The following MCF2L variants were observed in gnomAD, a reference collection of about 807,000 sequenced individuals.
MCF2L encodes MCF.2 cell line derived transforming sequence like, also known as guanine nucleotide exchange factor DBS.
Under a neutral mutation model 153.4 loss-of-function variants are expected in MCF2L, and 97 were observed. The observed-to-expected ratio is 0.63, with a 90% CI of 0.54 to 0.75. The LOEUF (loss-of-function observed/expected upper bound fraction) is 0.75, where lower values mean the gene tolerates loss of function less well. Among genes scored for constraint, MCF2L ranks in the 30% least tolerant of loss-of-function variants. The probability of loss-of-function intolerance (pLI) is 0.00; values close to 1 mark genes in which losing one functional copy is unlikely to be tolerated. For missense variants in MCF2L, 1,347 were observed against 1,495.2 expected (o/e 0.90, Z 1.64); for synonymous variants, 659 against 632.2 (o/e 1.04, Z -0.64).
rs952589562 is a variant in MCF2L at position 112,909,348 on chromosome 13, C to T, written c.169+6977C>T. The T allele has an allele frequency of 2.6e-5, 20 of 777,082 alleles. 1 individual carries two copies. In the Admixed American group the frequency reaches 3.2e-4, roughly 13 times the overall value. 48.1% of individuals were successfully genotyped at this position (777,082 alleles called of 1,614,324 possible). On this transcript the variant is annotated intron_variant, in intron 2 of 29. Transcript: ENST00000375608. ...CATCCTTCACCTCTGTGTCTACAGA[C>T]CCGGCCTCCCCGCCCAGCATGGGTT... is the stretch of plus-strand genomic sequence containing the variant.
intron 1 of MCF2L, among the ~76,000 whole-genome samples, chr13:112,992,152 A>T (rs2082919445): frequency 2.0e-5 from 3 of 152,238 alleles, no homozygotes; most frequent in Admixed American, 1.3e-4. Context: ...AGCTACGTGT[A>T]TGAGGTGTGC....
At chr13:112,994,648 C>T (rs977477528) in intron 1 of MCF2L, among the ~76,000 whole-genome samples, 1 of 152,240 alleles carries the variant, frequency 6.6e-6, no homozygotes, top group Non-Finnish European at 1.5e-5. Context: ...GGGAAGCCTG[C>T]GGTGAGGCCG....
At chr13:113,060,833 C>T (rs957631313) in intron 5 of MCF2L, 121 bp downstream of exon 5, 56 of 1,372,354 alleles carry the variant, frequency 4.1e-5, no homozygotes, top group African/African-American at 5.8e-5. Context: ...AACAAAACCC[C>T]GCAGGACCTG....
Position 113,027,803 on chromosome 13 carries a change from G to A in MCF2L, c.278+3045G>A, listed in dbSNP as rs1331177784. Among the ~76,000 whole-genome samples the A allele has an allele frequency of 6.6e-6, 1 of 152,204 alleles. No homozygotes were observed. Among genetic ancestry groups the A allele is most frequent in the Non-Finnish European group, 1.5e-5 (1 of 68,036 alleles). On this transcript the variant is annotated intron_variant, in intron 3 of 29. Transcript: ENST00000535094. The surrounding 1 kb of genome is among the most constrained non-coding windows in gnomAD (Gnocchi z 4.8). ...TAACACGGTGATGGCTGGAGAAAGG[G>A]GATGGCTGGGCAGGGGAGCGCCCGA... is the stretch of plus-strand genomic sequence containing the variant.
intron 5 of MCF2L, chr13:113,063,772 G>T (rs1318386939): frequency 2.2e-6 from 1 of 447,462 alleles, no homozygotes; most frequent in Non-Finnish European, 4.5e-6. Flanking sequence ...CTACGGCTGA[G>T]TTCAGCACAC....
In MCF2L at chr13:112,960,866, C is replaced by G. The variant is rs776101803; in HGVS notation, c.170-53897C>G. Among the ~76,000 whole-genome samples, 1 of 152,058 alleles carries G rather than the reference C, an allele frequency of 6.6e-6. No individual in the cohort carries two copies. Among genetic ancestry groups the G allele is most frequent in the Non-Finnish European group, 1.5e-5 (1 of 68,008 alleles). ...CCCTGCTGGAAGGACCCTGGGATGACCCTGGATCTCCTGGATAGCCCCCAA... is the reference window on the plus strand; with the variant it reads ...CCCTGCTGGAAGGACCCTGGGATGAGCCTGGATCTCCTGGATAGCCCCCAA... On this transcript the variant is annotated intron_variant, in intron 2 of 29. Transcript: ENST00000375608. This position sits in a 1 kb window ranked among gnomAD's most constrained non-coding sequence, Gnocchi z 4.2.
chr13:113,063,472 GCGTT>G (rs2031870118), intron 5 of MCF2L, among the ~76,000 whole-genome samples: 3 of 150,066 alleles, frequency 2.0e-5, no homozygotes, highest in African/African-American at 7.5e-5. Flanking sequence ...GCCGCCCACA[GCGTT>G]CAGGCGTCCC....
At chr13:112,946,497 T>C (rs1023390562) in intron 2 of MCF2L, among the ~76,000 whole-genome samples, 1 of 152,050 alleles carries the variant, frequency 6.6e-6, no homozygotes, top group Non-Finnish European at 1.5e-5. Context: ...CAAGTCAGGG[T>C]TGTATTCCAG....
intron 17 of MCF2L, among the ~76,000 whole-genome samples, 174 bp from the exon 18 acceptor site, chr13:113,083,824 C>T (rs987636170): frequency 3.3e-5 from 5 of 152,244 alleles, no homozygotes; most frequent in African/African-American, 1.2e-4. Context: ...CACCTGCTGG[C>T]GCCTGAGAGC....
chr13:112,917,834 C>A (rs61961621), intron 2 of MCF2L, among the ~76,000 whole-genome samples: 7 of 152,126 alleles, frequency 4.6e-5, no homozygotes, highest in Non-Finnish European at 8.8e-5. Context: ...TGAAGACTTA[C>A]AAGAAAGCTG....
chr13:112,921,044 G>A (rs2081347552), intron 2 of MCF2L, among the ~76,000 whole-genome samples: 1 of 151,990 alleles, frequency 6.6e-6, no homozygotes, highest in African/African-American at 2.4e-5. Flanking sequence ...GGGTGTGGTG[G>A]CGGGCGCCTG....
chr13:113,075,063 C>T lies in MCF2L; in HGVS notation c.1182C>T (p.Tyr394=), dbSNP rs370980984. ...AGCAGCTCATTGGGAACAAGCACTACGCGGTAGACTCCATCCGCCCAAAGT... is the reference window on the plus strand; with the variant it reads ...AGCAGCTCATTGGGAACAAGCACTATGCGGTAGACTCCATCCGCCCAAAGT... ...DGEQLIGNKH[Y]AVDSIRPKCQ... The change falls in exon 11 of 30, where the codon TAC becomes TAT. Residue 394 remains tyrosine (Y), a synonymous_variant. Transcript: ENST00000535094. 17 of 1,613,738 alleles carry T rather than the reference C, an allele frequency of 1.1e-5. No homozygotes were observed. Among genetic ancestry groups the T allele is most frequent in the East Asian group, 6.7e-5 (3 of 44,878 alleles).
At chr13:113,081,850 T>C (rs915438128) in intron 16 of MCF2L, among the ~76,000 whole-genome samples, 2 of 151,844 alleles carry the variant, frequency 1.3e-5, no homozygotes, top group Admixed American at 1.3e-4. Flanking sequence ...CACCCAAGTG[T>C]AGACGGGTGT....
Position 112,904,286 on chromosome 13 carries a change from G to A in MCF2L, c.169+1915G>A, listed in dbSNP as rs1313849725. ...CCAAGTGCTCCTATTATTTCTCAAC[G>A]TACCGAGCTCTCCCAGGCTCAGGAG... On this transcript the variant is annotated intron_variant, in intron 2 of 29. Transcript: ENST00000375608. The surrounding 1 kb of genome is among the most constrained non-coding windows in gnomAD (Gnocchi z 4.2). Among the ~76,000 whole-genome samples, 3 of 152,060 alleles carry A rather than the reference G, an allele frequency of 2.0e-5. No individual in the cohort carries two copies. The highest frequency in any genetic ancestry group is 7.2e-5 in the African/African-American group (3 of 41,410).
chr13:113,063,630 G>T (rs959278430), intron 5 of MCF2L, among the ~76,000 whole-genome samples: 1 of 152,172 alleles, frequency 6.6e-6, no homozygotes, highest in South Asian at 2.1e-4. Flanking sequence ...TAGCTCAGGG[G>T]TTATTTGACA....
intron 2 of MCF2L, among the ~76,000 whole-genome samples, chr13:113,018,444 A>C (rs1476271250): frequency 6.6e-6 from 1 of 152,134 alleles, no homozygotes; most frequent in Admixed American, 6.5e-5. Context: ...CCTACATGTA[A>C]ATTCTTGATT....
intron 3 of MCF2L, 32 bp downstream of exon 3, chr13:113,024,790 G>A (rs1260615988): frequency 1.3e-6 from 2 of 1,553,626 alleles, no homozygotes; most frequent in Non-Finnish European, 1.8e-6. Context: ...CAGACATTGT[G>A]GTTTGGGGCA....
At chr13:113,094,722 G>A in intron 27 of MCF2L, 87 bp downstream of exon 27, 2 of 1,487,474 alleles carry the variant, frequency 1.3e-6, no homozygotes, top group East Asian at 2.3e-5. Context: ...CCAGGCTTGG[G>A]TCTTAGGACA....
rs141757176 is a variant in MCF2L, at chr13:113,090,790, G to T, written c.2953+1062G>T. 3.7e-3 allele frequency: 3,613 copies of T among 985,450 alleles called. 18 individuals carry two copies. The highest frequency in any genetic ancestry group is 0.022 in the Middle Eastern group (42 of 1,914). The allele number at this position is 985,450 out of a possible 1,614,324, so 61.0% of individuals were successfully genotyped here. ...CAATTTATAAAATGCTTTTAAGTTG[G>T]CCTGAGACTTGAAACAAACAAACAA... On this transcript the variant is annotated intron_variant, in intron 26 of 29. Coordinates refer to ENST00000535094, the MANE Select transcript of MCF2L (RefSeq NM_001112732.3).
Sources: allele counts gnomAD v4.1 joint callset (sites outside exome capture counted in the v4.1 genomes callset), GRCh38; gene constraint gnomAD v4.1.1; non-coding constraint Gnocchi (gnomAD v3.1); transcripts MANE v1.5; gene names NCBI Gene and HGNC (gene_info 2026-07-23, HGNC 2026-07-21).